The following FRMD6 variants were observed in gnomAD, a reference collection of about 807,000 sequenced individuals.
The protein encoded by FRMD6 is FERM domain-containing protein 6.
Under a neutral mutation model 73.2 loss-of-function variants are expected in FRMD6, and 37 were observed. The ratio of observed to expected loss-of-function variants is 0.51; its 90% CI spans 0.39 to 0.66. The LOEUF is 0.66. FRMD6 is among the 30% of genes least tolerant of loss of function. The pLI is 0.00. For missense variants in FRMD6, 714 were observed against 780.5 expected, an observed-to-expected ratio of 0.91 and a Z score of 1.02; for synonymous variants, 273 against 282.2, an observed-to-expected ratio of 0.97 and a Z score of 0.33.
chr14:51,571,287 G>A (rs951395932), intron 2 of FRMD6, among the ~76,000 whole-genome samples: 1 of 152,196 alleles, frequency 6.6e-6, no homozygotes, highest in Non-Finnish European at 1.5e-5. Context: ...GCTGAGGCAG[G>A]AGGATCACTT....
chr14:51,707,888 A>G (rs919054244), intron 6 of FRMD6, among the ~76,000 whole-genome samples, 190 bp from the exon 7 acceptor site: 3 of 152,164 alleles, frequency 2.0e-5, no homozygotes, highest in Non-Finnish European at 2.9e-5. Flanking sequence ...AATTGACTCT[A>G]TAGCTTCTAG....
chr14:51,619,460 C>G (rs890210282), intron 2 of FRMD6, among the ~76,000 whole-genome samples: 1 of 151,556 alleles, frequency 6.6e-6, no homozygotes, highest in Non-Finnish European at 1.5e-5. Context: ...AGCACGTAAA[C>G]AAATAGTTAC....
chr14:51,648,114 C>T (rs113523994), upstream of FRMD6, among the ~76,000 whole-genome samples: 5,690 of 152,186 alleles, frequency 0.037, 122 homozygotes, highest in Middle Eastern at 0.071. Context: ...CATGAGCCAC[C>T]GCGCCCAGCC....
intron 2 of FRMD6, among the ~76,000 whole-genome samples, chr14:51,571,510 G>A (rs776668739): frequency 1.3e-5 from 2 of 152,172 alleles, no homozygotes; most frequent in African/African-American, 2.4e-5. Flanking sequence ...CTGATCTGGT[G>A]TAACCCTGGG....
At chr14:51,456,955 A>G in the FRMD6 span, among the ~76,000 whole-genome samples, 3 of 152,174 alleles carry the variant, frequency 2.0e-5, no homozygotes, top group East Asian at 5.8e-4. Context: ...GATCTCATAC[A>G]AGTAGAATGG....
At chr14:51,724,387 G>C (rs958110768) in intron 12 of FRMD6, among the ~76,000 whole-genome samples, 69 of 152,252 alleles carry the variant, frequency 4.5e-4, no homozygotes, top group African/African-American at 1.7e-3. Context: ...ATAGCTGAGG[G>C]CACATTTACC....
chr14:51,467,290 C>T, the FRMD6 span, among the ~76,000 whole-genome samples: 1 of 152,150 alleles, frequency 6.6e-6, no homozygotes. Context: ...GGGGGCAAGG[C>T]CATAGATTAA....
chr14:51,712,244 A>G (rs1270247516), intron 8 of FRMD6, among the ~76,000 whole-genome samples: 2 of 152,222 alleles, frequency 1.3e-5, no homozygotes, highest in Non-Finnish European at 2.9e-5. Flanking sequence ...AAATTTAGGC[A>G]TACACCAGAA....
chr14:51,551,433 G>A (rs187651325), intron 1 of FRMD6, among the ~76,000 whole-genome samples: 1 of 152,290 alleles, frequency 6.6e-6, no homozygotes, highest in Admixed American at 6.5e-5. Flanking sequence ...TTGGTGGATA[G>A]CCTTTTAATT....
intron 1 of FRMD6, among the ~76,000 whole-genome samples, chr14:51,675,215 A>T (rs1894303278): frequency 6.6e-6 from 1 of 152,016 alleles, no homozygotes; most frequent in African/African-American, 2.4e-5. Flanking sequence ...CTGATTGAAG[A>T]TTCCCCTGGG....
At chr14:51,474,093 A>G in the FRMD6 span, among the ~76,000 whole-genome samples, 3 of 152,246 alleles carry the variant, frequency 2.0e-5, no homozygotes, top group African/African-American at 4.8e-5. Flanking sequence ...ATAAAAATAG[A>G]TAAGCAGGGG....
At chr14:51,432,535 A>G in the FRMD6 span, among the ~76,000 whole-genome samples, 16 of 152,316 alleles carry the variant, frequency 1.1e-4, no homozygotes, top group East Asian at 1.4e-3. Context: ...ATGAGGACCA[A>G]TGCCTGACAC....
chr14:51,557,879 A>C (rs1486793865), intron 1 of FRMD6, among the ~76,000 whole-genome samples: 2 of 152,096 alleles, frequency 1.3e-5, no homozygotes, highest in Non-Finnish European at 2.9e-5. Context: ...CCTAGGTGAC[A>C]AAATAATTTG....
chr14:51,690,022 CT>C, intron 2 of FRMD6, 87 bp downstream of exon 2: 1 of 877,238 alleles, frequency 1.1e-6, no homozygotes. Context: ...AGGGTGAAAT[CT>C]TTACAGAATT....
upstream of FRMD6, among the ~76,000 whole-genome samples, chr14:51,484,235 T>C (rs920433886): frequency 1.3e-5 from 2 of 152,206 alleles, no homozygotes; most frequent in African/African-American, 4.8e-5. Flanking sequence ...GATTTCAGAA[T>C]GAATTGCTGA....
chr14:51,611,912 T>C (rs558878234), intron 2 of FRMD6, among the ~76,000 whole-genome samples: 5 of 152,042 alleles, frequency 3.3e-5, no homozygotes, highest in Non-Finnish European at 7.4e-5. Flanking sequence ...GCTTATGTCA[T>C]GATGTAAAAT....
intron 1 of FRMD6, among the ~76,000 whole-genome samples, chr14:51,657,082 A>T (rs527701089): frequency 6.6e-6 from 1 of 152,350 alleles, no homozygotes; most frequent in African/African-American, 2.4e-5. Flanking sequence ...TTCTTGATGC[A>T]TATTTTAGGA....
the FRMD6 span, among the ~76,000 whole-genome samples, chr14:51,440,037 T>A: frequency 6.6e-6 from 1 of 152,204 alleles, no homozygotes; most frequent in African/African-American, 2.4e-5. Context: ...CAGTTAGAAA[T>A]GTTAAAACAA....
the FRMD6 span, among the ~76,000 whole-genome samples, chr14:51,453,602 G>C: frequency 1.3e-5 from 2 of 152,094 alleles, no homozygotes; most frequent in Non-Finnish European, 2.9e-5. Context: ...TGATTGAGGG[G>C]ATTATCAAAT....
Sources: gnomAD v4.1 joint callset for allele counts (sites outside exome capture counted in the v4.1 genomes callset) on GRCh38, gnomAD v4.1.1 for gene constraint, MANE v1.5 for transcripts, NCBI Gene and HGNC (gene_info 2026-07-23, HGNC 2026-07-21) for gene names.